The following HSPA12B variants were observed in gnomAD, a reference collection of about 807,000 sequenced individuals.
The protein encoded by HSPA12B is heat shock protein family A (Hsp70) member 12B.
Under a neutral mutation model 69.3 loss-of-function variants are expected in HSPA12B, and 54 were observed. The ratio of observed to expected loss-of-function variants is 0.78; its 90% CI spans 0.63 to 0.98. The LOEUF (loss-of-function observed/expected upper bound fraction) is 0.98. HSPA12B is among the 50% of genes least tolerant of loss of function. The probability of loss-of-function intolerance (pLI) is 0.00; values close to 1 mark genes in which losing one functional copy is unlikely to be tolerated. For synonymous variants in HSPA12B, 441 were observed against 436.5 expected, an observed-to-expected ratio of 1.01 and a Z score of -0.13; for missense variants, 929 against 999.8, an observed-to-expected ratio of 0.93 and a Z score of 0.96.
At chr20:3,751,246 G>C (rs1040908480) in intron 12 of HSPA12B, 2 of 985,186 alleles carry the variant, frequency 2.0e-6, no homozygotes, top group South Asian at 9.4e-5. Context: ...TGTTTAATAC[G>C]TGTAAAATGC....
chr20:3,749,954 C>A lies in HSPA12B; in HGVS notation c.1043-15C>A, dbSNP rs1404067684. On this transcript the variant is annotated splice_polypyrimidine_tract_variant and intron_variant, in intron 10 of 12. Coordinates refer to ENST00000254963, the MANE Select transcript of HSPA12B (RefSeq NM_052970.5). The surrounding 1 kb of genome is among the most constrained non-coding windows in gnomAD (Gnocchi z 5.5). ...GCGAGCGCTGACGCCCTCTTCGCCC[C>A]CTGCTCCACCCCAGGGGGCCCTTAT... 1.3e-6 allele frequency: 2 copies of A among 1,553,400 alleles called. No individual in the cohort carries two copies. The highest frequency in any genetic ancestry group is 1.7e-6 in the Non-Finnish European group (2 of 1,146,676).
rs2088371873 is a variant in HSPA12B at position 3,749,616 on chromosome 20, T to C, written c.938-134T>C. ...CTGAGGTTCAAGCACCTGAAGCCCC[T>C]CACGTCCCTCCCCCGACCCTGCAGA... On this transcript the variant is annotated intron_variant, in intron 9 of 12. Coordinates refer to ENST00000254963, the MANE Select transcript of HSPA12B (RefSeq NM_052970.5). This position sits in a 1 kb window ranked among gnomAD's most constrained non-coding sequence, Gnocchi z 5.5. 4.5e-6 allele frequency: 3 copies of C among 668,888 alleles called. No homozygotes were observed. The Admixed American group carries it at 8.8e-5, about 20-fold the overall frequency. 41.4% of individuals were successfully genotyped at this position (668,888 alleles called of 1,614,324 possible). A position where few individuals can be genotyped will look rare whatever the true frequency, so the allele number is the denominator to read the frequency against.
intron 1 of HSPA12B, among the ~76,000 whole-genome samples, chr20:3,734,066 G>A (rs2088070980): frequency 6.6e-6 from 1 of 152,238 alleles, no homozygotes; most frequent in South Asian, 2.1e-4. Context: ...ACTTTGGGAG[G>A]ATGAAGTGGG....
chr20:3,737,784 C>G lies in HSPA12B; in HGVS notation c.-17-874C>G, dbSNP rs1426229379. 6.6e-6 allele frequency among the ~76,000 whole-genome samples: 1 copy of G among 152,190 alleles called. No individual in the cohort carries two copies. Among genetic ancestry groups the G allele is most frequent in the Admixed American group, 6.5e-5 (1 of 15,276 alleles). ...TTGAGAGGCCGAGGTGGGCGGATCA[C>G]CTGAGGTCAGGAGTTCGAGAACAGC... On this transcript the variant is annotated intron_variant, in intron 1 of 12. Coordinates refer to ENST00000254963, the MANE Select transcript of HSPA12B (RefSeq NM_052970.5). The surrounding 1 kb of genome is among the most constrained non-coding windows in gnomAD (Gnocchi z 4.1).
At chr20:3,741,713 A>G (rs2088205701) in intron 3 of HSPA12B, among the ~76,000 whole-genome samples, 1 of 152,160 alleles carries the variant, frequency 6.6e-6, no homozygotes, top group Admixed American at 6.5e-5. Flanking sequence ...CCCCACCTGG[A>G]TGACCTTGCC....
Position 3,740,967 on chromosome 20 carries a change from C to A in HSPA12B, c.141+55C>A. 2 of 1,462,494 alleles carry A rather than the reference C, an allele frequency of 1.4e-6. No individual in the cohort carries two copies. Among genetic ancestry groups the A allele is most frequent in the South Asian group, 1.2e-5 (1 of 80,924 alleles). 90.6% of individuals were successfully genotyped at this position (1,462,494 alleles called of 1,614,324 possible). A position where few individuals can be genotyped will look rare whatever the true frequency, so the allele number is the denominator to read the frequency against. On this transcript the variant is annotated intron_variant, in intron 3 of 12. Coordinates refer to ENST00000254963, the MANE Select transcript of HSPA12B (RefSeq NM_052970.5). The surrounding 1 kb of genome is among the most constrained non-coding windows in gnomAD (Gnocchi z 4.9). Reference sequence around the variant, plus strand: ...GTGACCTGGCTGGTGTGGACAGGGTCGTGCGTGGCAAAGTCATGACAGGGC... The same window carrying A: ...GTGACCTGGCTGGTGTGGACAGGGTAGTGCGTGGCAAAGTCATGACAGGGC...
At chr20:3,746,207 G>A (rs550842021) in intron 7 of HSPA12B, among the ~76,000 whole-genome samples, 176 bp downstream of exon 7, 1 of 151,934 alleles carries the variant, frequency 6.6e-6, no homozygotes, top group East Asian at 1.9e-4. Flanking sequence ...GGGCCTGCAG[G>A]AACAGGGGAC....
chr20:3,738,841 A>ACT (rs2088148241), intron 2 of HSPA12B, 124 bp downstream of exon 2: 1 of 738,018 alleles, frequency 1.4e-6, no homozygotes, highest in Non-Finnish European at 2.3e-6. Context: ...TCTGTGAGTG[A>ACT]GTGTGTGTGT....
intron 2 of HSPA12B, among the ~76,000 whole-genome samples, chr20:3,739,345 G>A (rs1369252389): frequency 2.0e-5 from 3 of 152,256 alleles, no homozygotes; most frequent in Admixed American, 6.5e-5. Flanking sequence ...GTGTACGGGA[G>A]TATAGTCTGC....
chr20:3,739,595 C>T (rs1413209943), intron 2 of HSPA12B, among the ~76,000 whole-genome samples: 1 of 152,196 alleles, frequency 6.6e-6, no homozygotes, highest in Non-Finnish European at 1.5e-5. Flanking sequence ...GGAGCCTGCC[C>T]TGGCTGCCTG....
Position 3,752,150 on chromosome 20 carries a change from A to C in HSPA12B, c.2045A>C (p.Asp682Ala), listed in dbSNP as rs375139971. 1.6e-5 allele frequency: 23 copies of C among 1,456,622 alleles called. No homozygotes were observed. Among genetic ancestry groups the C allele is most frequent in the Non-Finnish European group, 2.0e-5 (22 of 1,111,806 alleles). 90.2% of individuals were successfully genotyped at this position (1,456,622 alleles called of 1,614,324 possible). A position where few individuals can be genotyped will look rare whatever the true frequency, so the allele number is the denominator to read the frequency against. The change falls in exon 13 of 13, where the codon GAC (aspartate) becomes GCC (alanine). Residue 682 changes from aspartate (D) to alanine (A), a missense_variant. Asp to Ala is a moderately radical substitution (Grantham distance 126, BLOSUM62 -2). Transcript: ENST00000254963. The stretch of plus-strand genomic sequence containing the variant: ...AATCGCTCCGTGCGCGCGTCCATCG[A>C]CTTTCTTTCCAACTGAGGGCGCGCC... ...STNRSVRASI[D>A]FLSN is the part of the protein sequence containing the mutation.
At position 3,748,317 on chromosome 20, in the gene HSPA12B, T is replaced by C. The variant is rs1460315112; in HGVS notation, c.776T>C (p.Leu259Pro). ...CGCAAGCTGCGCCTGCACCAGCTCC[T>C]GGACCTGAGTGGCCGGGCCCCAGGT... ...YCRKLRLHQL[L>P]DLSGRAPGGG... The change falls in exon 8 of 13, where the codon CTG becomes CCG. Residue 259 changes from leucine (L) to proline (P), a missense_variant. By Grantham distance (98) the Leu-to-Pro change is moderately conservative. This residue lies in a region of HSPA12B where 477 missense variants were observed against 535.2 expected (regional missense o/e 0.89). Transcript: ENST00000254963. 2 of 1,611,496 alleles carry C rather than the reference T, an allele frequency of 1.2e-6. No individual in the cohort carries two copies. The highest frequency in any genetic ancestry group is 1.7e-6 in the Non-Finnish European group (2 of 1,179,002).
rs1267748994 is a variant in HSPA12B at position 3,745,632 on chromosome 20, G to T, written c.558+35G>T. The T allele has an allele frequency of 2.5e-6, 4 of 1,580,986 alleles. No homozygotes were observed. The African/African-American group carries it at 4.0e-5, about 16-fold the overall frequency. ...GGCCCCACCTCTGCCGACTGTGGCA[G>T]GGACCCCCTATTTTCCCCTCATCCG... On this transcript the variant is annotated intron_variant, in intron 6 of 12. Coordinates refer to ENST00000254963, the MANE Select transcript of HSPA12B (RefSeq NM_052970.5). The surrounding 1 kb of genome is among the most constrained non-coding windows in gnomAD (Gnocchi z 5.6).
intron 11 of HSPA12B, 176 bp from the exon 12 acceptor site, chr20:3,750,628 A>T: frequency 4.1e-6 from 4 of 978,560 alleles, no homozygotes; most frequent in Non-Finnish European, 4.9e-6. Context: ...CTGAGTGAGT[A>T]GGGTGGAGAT....
intron 2 of HSPA12B, among the ~76,000 whole-genome samples, chr20:3,739,040 C>G (rs2088153363): frequency 6.6e-6 from 1 of 152,210 alleles, no homozygotes; most frequent in African/African-American, 2.4e-5. Flanking sequence ...GGTCTGTGCA[C>G]ACAGGAGTGT....
intron 7 of HSPA12B, 48 bp downstream of exon 7, chr20:3,746,079 G>GC: frequency 7.0e-7 from 1 of 1,429,082 alleles, no homozygotes; most frequent in South Asian, 1.2e-5. Context: ...GAAGGGCCAG[G>GC]CCTGTCCCCA....
At chr20:3,746,137 A>G in intron 7 of HSPA12B, 106 bp downstream of exon 7, 1 of 790,234 alleles carries the variant, frequency 1.3e-6, no homozygotes, top group Non-Finnish European at 2.1e-6. Flanking sequence ...TCATTGTGGA[A>G]AGAACTTCAG....
intron 2 of HSPA12B, among the ~76,000 whole-genome samples, chr20:3,739,811 G>T (rs1215107135): frequency 6.6e-6 from 1 of 152,120 alleles, no homozygotes; most frequent in East Asian, 1.9e-4. Flanking sequence ...GGCCTGCCTG[G>T]CTCAGCCTAA....
Position 3,752,477 on chromosome 20 carries a change from C to CG in HSPA12B, c.*312dup, listed in dbSNP as rs1415339947. The CG allele has an allele frequency of 3.6e-6, 1 of 275,296 alleles. No homozygotes were observed. Among genetic ancestry groups the CG allele is most frequent in the African/African-American group, 2.2e-5 (1 of 44,544 alleles). The allele number at this position is 275,296 out of a possible 1,614,324, so 17.1% of individuals were successfully genotyped here. A position where few individuals can be genotyped will look rare whatever the true frequency, so the allele number is the denominator to read the frequency against. ...GGGGCATGTGACCCCGAAGGAAGAA[C>CG]GCAACAGAAGAGTCCTGGTCTGAAC... On this transcript the variant is annotated 3_prime_UTR_variant, in exon 13 of 13. Coordinates refer to ENST00000254963, the MANE Select transcript of HSPA12B (RefSeq NM_052970.5).
Sources: gnomAD v4.1 joint callset for allele counts (sites outside exome capture counted in the v4.1 genomes callset) on GRCh38, gnomAD v4.1.1 for gene constraint, gnomAD v4.1.1 regional missense constraint, Gnocchi (gnomAD v3.1) non-coding constraint, MANE v1.5 for transcripts, NCBI Gene and HGNC (gene_info 2026-07-23, HGNC 2026-07-21) for gene names.